ROBO1: variants seen among roughly 807,000 people sequenced by gnomAD.
ROBO1 encodes the protein roundabout guidance receptor 1, also known as roundabout homolog 1.
A neutral mutation model predicts 195.9 loss-of-function variants in ROBO1; 149 were observed. The ratio of observed to expected loss-of-function variants is 0.76; its 90% confidence interval spans 0.67 to 0.87. The LOEUF (loss-of-function observed/expected upper bound fraction) is 0.87, where lower values mean the gene tolerates loss of function less well. Ranked by LOEUF, ROBO1 falls within the 40% of genes least tolerant of loss-of-function variation. The probability of loss-of-function intolerance (pLI) is 0.00; values close to 1 mark genes in which losing one functional copy is unlikely to be tolerated. For synonymous variants in ROBO1, 816 were observed against 733.2 expected, an observed-to-expected ratio of 1.11 and a Z score of -1.82; for missense variants, 1,933 against 2,068.3, an observed-to-expected ratio of 0.93 and a Z score of 1.27.
At chr3:79,421,708 G>A (rs561220260) in intron 2 of ROBO1, among the ~76,000 whole-genome samples, 2 of 152,176 alleles carry the variant, frequency 1.3e-5, no homozygotes, top group South Asian at 2.1e-4. Context: ...GATTTGTTGG[G>A]TAATTGACAA....
chr3:79,512,287 A>G (rs1250295428), intron 2 of ROBO1, among the ~76,000 whole-genome samples: 1 of 152,196 alleles, frequency 6.6e-6, no homozygotes, highest in Non-Finnish European at 1.5e-5. Flanking sequence ...TTAACTATGA[A>G]AAAAGACCCA....
chr3:78,608,473 A>G (rs933091094), intron 28 of ROBO1, among the ~76,000 whole-genome samples: 3 of 152,194 alleles, frequency 2.0e-5, no homozygotes, highest in Non-Finnish European at 2.9e-5. Flanking sequence ...TGATATCTAG[A>G]AAAAATTTTT....
chr3:78,803,300 G>A (rs1415986530), intron 4 of ROBO1, among the ~76,000 whole-genome samples: 1 of 152,242 alleles, frequency 6.6e-6, no homozygotes, highest in East Asian at 1.9e-4. Flanking sequence ...AAAATCCTGT[G>A]TGCATGTACA....
At chr3:79,271,929 T>C (rs2030598241) in intron 2 of ROBO1, among the ~76,000 whole-genome samples, 1 of 152,070 alleles carries the variant, frequency 6.6e-6, no homozygotes, top group Non-Finnish European at 1.5e-5. Flanking sequence ...TGGAATACAT[T>C]ATTGAATAAA....
intron 2 of ROBO1, among the ~76,000 whole-genome samples, chr3:79,151,597 G>A (rs951067715): frequency 6.6e-6 from 1 of 151,742 alleles, no homozygotes; most frequent in Middle Eastern, 3.4e-3. Context: ...ATAGAAATCG[G>A]ACTTAGTTTT....
intron 4 of ROBO1, among the ~76,000 whole-genome samples, chr3:78,821,261 G>A (rs58611756): frequency 0.26 from 39,761 of 150,274 alleles, 5,433 homozygotes; most frequent in Non-Finnish European, 0.28. Context: ...TGCCTCCTGG[G>A]CTCAAGCAAT....
intron 1 of ROBO1, among the ~76,000 whole-genome samples, chr3:79,744,851 A>G (rs574168158): frequency 4.6e-5 from 7 of 152,258 alleles, no homozygotes; most frequent in African/African-American, 1.7e-4. Context: ...CAGTTTATGA[A>G]GTGATGAATG....
intron 2 of ROBO1, among the ~76,000 whole-genome samples, chr3:79,497,742 T>C (rs1234183365): frequency 3.9e-5 from 6 of 152,222 alleles, no homozygotes; most frequent in Non-Finnish European, 7.4e-5. Flanking sequence ...TTTCAATATG[T>C]GCAATTCAGT....
chr3:78,606,702 G>A (rs1405522735), intron 29 of ROBO1, 31 bp downstream of exon 29: 17 of 1,602,790 alleles, frequency 1.1e-5, no homozygotes, highest in Non-Finnish European at 1.4e-5. Flanking sequence ...CACTCAATCT[G>A]TATTTATTTG....
Position 79,125,278 on chromosome 3 carries a change from A to G in ROBO1, c.172+178T>C, listed in dbSNP as rs142385814. 2.3e-3 allele frequency among the ~76,000 whole-genome samples: 350 copies of G among 152,328 alleles called. 4 individuals carry two copies. Among genetic ancestry groups the G allele is most frequent in the African/African-American group, 8.1e-3 (335 of 41,568 alleles). On this transcript the variant is annotated intron_variant, in intron 3 of 30. Coordinates refer to ENST00000464233, the MANE Select transcript of ROBO1 (RefSeq NM_002941.4). ...GTTTCCATGTACATTTCTGTTCTTA[A>G]AAGTGTTTACTTTAGCAATATGATC... is the stretch of plus-strand genomic sequence containing the variant.
At chr3:79,486,957 A>G (rs1477146483) in intron 2 of ROBO1, among the ~76,000 whole-genome samples, 4 of 152,172 alleles carry the variant, frequency 2.6e-5, no homozygotes, top group South Asian at 4.1e-4. Flanking sequence ...AGGGATCGAC[A>G]TAACAAACTC....
chr3:79,254,297 A>G (rs74457020), intron 2 of ROBO1, among the ~76,000 whole-genome samples: 2,438 of 152,288 alleles, frequency 0.016, 47 homozygotes, highest in African/African-American at 0.053. Context: ...GCTGTTTTGC[A>G]TAATAGGAAC....
intron 2 of ROBO1, among the ~76,000 whole-genome samples, chr3:79,264,539 G>A (rs1181209118): frequency 5.3e-5 from 8 of 151,808 alleles, no homozygotes; most frequent in Admixed American, 5.3e-4. Flanking sequence ...AAGACAGAAA[G>A]TTTGTCTTTT....
intron 2 of ROBO1, among the ~76,000 whole-genome samples, chr3:79,305,801 GAAC>G: frequency 6.6e-6 from 1 of 152,194 alleles, no homozygotes; most frequent in South Asian, 2.1e-4. Flanking sequence ...GGATGTATGA[GAAC>G]AACACTCAAA....
At chr3:78,740,449 T>TC (rs1435692921) in intron 5 of ROBO1, among the ~76,000 whole-genome samples, 115 of 22,760 alleles carry the variant, frequency 5.1e-3, no homozygotes, top group Admixed American at 0.01. Flanking sequence ...TATTTTTCTT[T>TC]TTTTCTTTCT....
At chr3:78,911,611 G>C in intron 4 of ROBO1, among the ~76,000 whole-genome samples, 1 of 152,060 alleles carries the variant, frequency 6.6e-6, no homozygotes, top group East Asian at 1.9e-4. Flanking sequence ...TGAGTAAGGT[G>C]TCATGCACTA....
At chr3:79,196,537 G>C (rs1367891321) in intron 2 of ROBO1, among the ~76,000 whole-genome samples, 1 of 151,728 alleles carries the variant, frequency 6.6e-6, no homozygotes, top group Non-Finnish European at 1.5e-5. Flanking sequence ...CTCAAGACTT[G>C]CTAGTGAGTT....
At chr3:78,656,572 C>T (rs1707037200) in intron 18 of ROBO1, among the ~76,000 whole-genome samples, 1 of 151,902 alleles carries the variant, frequency 6.6e-6, no homozygotes, top group African/African-American at 2.4e-5. Context: ...AGGATGGTCT[C>T]GATCTCCTGA....
chr3:79,689,949 G>C (rs966523459), intron 1 of ROBO1, among the ~76,000 whole-genome samples: 2 of 151,884 alleles, frequency 1.3e-5, no homozygotes, highest in East Asian at 3.9e-4. Flanking sequence ...TTATAAAATT[G>C]TTTTCTTCAG....
Sources: gnomAD v4.1 joint callset for allele counts (sites outside exome capture counted in the v4.1 genomes callset) on GRCh38, gnomAD v4.1.1 for gene constraint, MANE v1.5 for transcripts, NCBI Gene and HGNC (gene_info 2026-07-23, HGNC 2026-07-21) for gene names.